CADM2: variants seen among roughly 807,000 people sequenced by gnomAD.
The protein encoded by CADM2 is immunoglobulin superfamily member 4D.
A neutral mutation model predicts 49.8 loss-of-function variants in CADM2; 12 were observed. The observed-to-expected ratio is 0.24, with a 90% confidence interval of 0.15 to 0.39. The LOEUF (loss-of-function observed/expected upper bound fraction) is 0.39, where lower values mean the gene tolerates loss of function less well. Ranked by LOEUF, CADM2 falls within the 10% of genes least tolerant of loss-of-function variation. CADM2 has a pLI of 1.00. For synonymous variants in CADM2, 214 were observed against 175.4 expected (o/e 1.22, Z -1.74); for missense variants, 378 against 492.3 (o/e 0.77, Z 2.20).
At chr3:84,978,497 T>G (rs1410976751) in intron 1 of CADM2, among the ~76,000 whole-genome samples, 1 of 152,162 alleles carries the variant, frequency 6.6e-6, no homozygotes, top group Non-Finnish European at 1.5e-5. Context: ...TCATTTTCCA[T>G]ATTTCACAAT....
intron 2 of CADM2, among the ~76,000 whole-genome samples, chr3:85,750,476 C>G (rs1274909016): frequency 6.6e-6 from 1 of 151,934 alleles, no homozygotes; most frequent in Non-Finnish European, 1.5e-5. Context: ...TGGAAATATT[C>G]TATGATTCAA....
chr3:85,892,569 C>T (rs554781204), intron 5 of CADM2, among the ~76,000 whole-genome samples: 22 of 152,230 alleles, frequency 1.4e-4, no homozygotes, highest in South Asian at 6.2e-4. Flanking sequence ...CCCCTGCACA[C>T]GCTCTCTTGC....
intron 6 of CADM2, among the ~76,000 whole-genome samples, chr3:85,922,557 C>T (rs567797324): frequency 2.6e-4 from 40 of 151,878 alleles, no homozygotes; most frequent in Non-Finnish European, 4.6e-4. Flanking sequence ...ACACAAATTG[C>T]GCAATAATTG....
chr3:85,649,662 A>C (rs1347562458), intron 1 of CADM2, among the ~76,000 whole-genome samples: 1 of 152,202 alleles, frequency 6.6e-6, no homozygotes, highest in East Asian at 1.9e-4. Context: ...TTAACAATGC[A>C]GGTACCAGGA....
intron 1 of CADM2, among the ~76,000 whole-genome samples, chr3:85,457,195 T>A (rs2038031199): frequency 6.6e-6 from 1 of 152,090 alleles, no homozygotes; most frequent in African/African-American, 2.4e-5. Flanking sequence ...GGTGGATCAC[T>A]TGACTCCAGG....
chr3:85,459,549 C>G (rs1441977813), intron 1 of CADM2, among the ~76,000 whole-genome samples: 1 of 152,152 alleles, frequency 6.6e-6, no homozygotes, highest in Non-Finnish European at 1.5e-5. Flanking sequence ...AAGTTACATT[C>G]TTATTAATAT....
chr3:85,523,550 T>C (rs2061079946), intron 1 of CADM2, among the ~76,000 whole-genome samples: 1 of 152,096 alleles, frequency 6.6e-6, no homozygotes, highest in Non-Finnish European at 1.5e-5. Context: ...AAGGATTCCT[T>C]TTCCAAAATA....
chr3:85,769,465 TA>T lies in CADM2; in HGVS notation c.89-32581del, dbSNP rs1169615050. Among the ~76,000 whole-genome samples, 6 of 77,562 alleles carry T rather than the reference TA, an allele frequency of 7.7e-5. 1 individual carries two copies. The highest frequency in any genetic ancestry group is 1.0e-4 in the African/African-American group (2 of 19,766). The allele number at this position is 77,562 out of a possible 152,430, so 50.9% of individuals were successfully genotyped here. A position where few individuals can be genotyped will look rare whatever the true frequency, so the allele number is the denominator to read the frequency against. Reference sequence around the variant, plus strand: ...ATACACGTATATACATATATACATATATAGTATATATACACGTATATACATA... The same window carrying T: ...ATACACGTATATACATATATACATATTAGTATATATACACGTATATACATA... On this transcript the variant is annotated intron_variant, in intron 2 of 9. Coordinates refer to ENST00000383699, the MANE Select transcript of CADM2 (RefSeq NM_001167675.2).
chr3:85,033,605 A>G (rs1013194937), intron 1 of CADM2, among the ~76,000 whole-genome samples: 1 of 152,188 alleles, frequency 6.6e-6, no homozygotes, highest in Non-Finnish European at 1.5e-5. Flanking sequence ...ATTGGAGCAA[A>G]TAAAATGATA....
chr3:85,512,096 C>T (rs1311133155), intron 1 of CADM2, among the ~76,000 whole-genome samples: 2 of 151,794 alleles, frequency 1.3e-5, no homozygotes, highest in African/African-American at 4.8e-5. Flanking sequence ...TATATTGATC[C>T]CCATCACCCA....
At chr3:85,269,614 C>G (rs2043192454) in intron 1 of CADM2, among the ~76,000 whole-genome samples, 1 of 151,166 alleles carries the variant, frequency 6.6e-6, no homozygotes, top group Non-Finnish European at 1.5e-5. Context: ...TTAACATTTC[C>G]CTATCTCTTG....
chr3:85,372,972 T>C (rs144437407), intron 1 of CADM2, among the ~76,000 whole-genome samples: 78 of 152,160 alleles, frequency 5.1e-4, no homozygotes, highest in African/African-American at 1.9e-3. Context: ...GGAGCTGCAA[T>C]TCAAGATGAG....
At chr3:85,280,694 C>A (rs961861442) in intron 1 of CADM2, among the ~76,000 whole-genome samples, 2 of 151,640 alleles carry the variant, frequency 1.3e-5, no homozygotes, top group Non-Finnish European at 2.9e-5. Flanking sequence ...GAAGAGTTTA[C>A]TAAAATTGAA....
intron 1 of CADM2, among the ~76,000 whole-genome samples, chr3:85,505,574 G>A (rs938097330): frequency 6.6e-6 from 1 of 152,140 alleles, no homozygotes; most frequent in Non-Finnish European, 1.5e-5. Flanking sequence ...ACATTAATGT[G>A]TTTTGCTTTT....
intron 1 of CADM2, among the ~76,000 whole-genome samples, chr3:84,980,827 A>C (rs1269765847): frequency 1.3e-5 from 2 of 152,176 alleles, no homozygotes; most frequent in African/African-American, 4.8e-5. Context: ...CTCATATCAG[A>C]TCTAAAATCT....
chr3:84,961,513 C>T (rs2030512466), intron 1 of CADM2, among the ~76,000 whole-genome samples: 1 of 152,146 alleles, frequency 6.6e-6, no homozygotes, highest in Admixed American at 6.5e-5. Context: ...ACAAGTAACC[C>T]GGGTGTCTGA....
At chr3:85,795,914 G>T (rs1289473793) in intron 2 of CADM2, among the ~76,000 whole-genome samples, 2 of 152,108 alleles carry the variant, frequency 1.3e-5, no homozygotes, top group Non-Finnish European at 2.9e-5. Flanking sequence ...AACTCCAAAT[G>T]GTTCATTGAC....
At chr3:85,919,509 CAG>C (rs1256905391) in intron 6 of CADM2, among the ~76,000 whole-genome samples, 1 of 151,718 alleles carries the variant, frequency 6.6e-6, no homozygotes, top group Non-Finnish European at 1.5e-5. Context: ...TTTAAAATAA[CAG>C]AAAAACGTTT....
chr3:85,551,349 T>C (rs1488825978), intron 1 of CADM2, among the ~76,000 whole-genome samples: 2 of 152,152 alleles, frequency 1.3e-5, no homozygotes, highest in African/African-American at 4.8e-5. Flanking sequence ...ATCTTGTGGC[T>C]GCAAGGATCT....
Sources: allele counts gnomAD v4.1 joint callset (sites outside exome capture counted in the v4.1 genomes callset), GRCh38; gene constraint gnomAD v4.1.1; transcripts MANE v1.5; gene names NCBI Gene and HGNC (gene_info 2026-07-23, HGNC 2026-07-21).